The following MARCHF3 variants were observed in gnomAD, a reference collection of about 807,000 sequenced individuals.
MARCHF3 encodes E3 ubiquitin-protein ligase MARCHF3.
In MARCHF3, 13 loss-of-function variants were observed where a neutral mutation model predicts 24.2. That is an observed-to-expected ratio of 0.54 (90% CI 0.35 to 0.85). MARCHF3 has a LOEUF of 0.85. Among genes scored for constraint, MARCHF3 ranks in the 40% least tolerant of loss-of-function variants. The pLI is 0.01. For synonymous variants in MARCHF3, 144 were observed against 137.3 expected (o/e 1.05, Z -0.34); for missense variants, 276 against 325.0 (o/e 0.85, Z 1.16).
At chr5:127,026,752 C>G (rs1178047094) in intron 1 of MARCHF3, among the ~76,000 whole-genome samples, 4 of 152,116 alleles carry the variant, frequency 2.6e-5, no homozygotes, top group Non-Finnish European at 5.9e-5. Flanking sequence ...TCATCTGTAA[C>G]AAAGTGGAAA....
intron 4 of MARCHF3, among the ~76,000 whole-genome samples, chr5:126,877,814 A>G (rs1207207676): frequency 2.6e-5 from 4 of 152,240 alleles, no homozygotes; most frequent in Admixed American, 6.5e-5. Flanking sequence ...TGCATCATTC[A>G]TAATATACTA....
At chr5:126,903,648 A>T (rs1245684216) in intron 3 of MARCHF3, among the ~76,000 whole-genome samples, 3 of 151,072 alleles carry the variant, frequency 2.0e-5, no homozygotes, top group Admixed American at 6.6e-5. Context: ...TATATATATA[A>T]AATCTCTATA....
chr5:126,954,778 T>A (rs1750384166), intron 1 of MARCHF3, among the ~76,000 whole-genome samples: 2 of 151,998 alleles, frequency 1.3e-5, no homozygotes, highest in African/African-American at 2.4e-5. Context: ...GTACTTCAGA[T>A]GAATTTTCTT....
intron 3 of MARCHF3, among the ~76,000 whole-genome samples, chr5:126,884,399 T>C (rs7701976): frequency 0.13 from 19,285 of 152,122 alleles, 3,051 homozygotes; most frequent in African/African-American, 0.37. Flanking sequence ...TGTAACAAAG[T>C]ATCTCAAAGG....
At chr5:127,002,408 C>G (rs1335093202) in intron 1 of MARCHF3, among the ~76,000 whole-genome samples, 3 of 152,126 alleles carry the variant, frequency 2.0e-5, no homozygotes, top group Non-Finnish European at 4.4e-5. Context: ...CAGCCTGTCA[C>G]TATTCTTGGT....
At chr5:127,011,804 T>C (rs562085497) in intron 1 of MARCHF3, among the ~76,000 whole-genome samples, 2 of 152,336 alleles carry the variant, frequency 1.3e-5, no homozygotes, top group Non-Finnish European at 2.9e-5. Context: ...TAGTTGATTA[T>C]TGCTTCCCAT....
chr5:126,999,318 A>G (rs1055465261), intron 1 of MARCHF3, among the ~76,000 whole-genome samples: 1 of 152,214 alleles, frequency 6.6e-6, no homozygotes, highest in South Asian at 2.1e-4. Context: ...AATTATGCCC[A>G]GACCAGCTTT....
chr5:126,880,932 G>A (rs1301527163), intron 3 of MARCHF3, among the ~76,000 whole-genome samples: 1 of 152,016 alleles, frequency 6.6e-6, no homozygotes, highest in African/African-American at 2.4e-5. Context: ...TGGGAATTCT[G>A]GATGCATTTT....
chr5:127,020,660 G>A (rs1752770419), intron 1 of MARCHF3, among the ~76,000 whole-genome samples: 1 of 152,076 alleles, frequency 6.6e-6, no homozygotes, highest in South Asian at 2.1e-4. Context: ...TGATCAGACT[G>A]AGCAACATGG....
At chr5:126,886,378 G>C (rs987334895) in intron 3 of MARCHF3, among the ~76,000 whole-genome samples, 2 of 152,152 alleles carry the variant, frequency 1.3e-5, no homozygotes, top group African/African-American at 4.8e-5. Flanking sequence ...ACCTTGCTGG[G>C]GATAAGATAT....
At chr5:126,989,283 A>T (rs181496289) in intron 1 of MARCHF3, among the ~76,000 whole-genome samples, 95 of 150,190 alleles carry the variant, frequency 6.3e-4, no homozygotes, top group Non-Finnish European at 1.1e-3. Flanking sequence ...TGTCTCTAGA[A>T]TACTACTACT....
At chr5:127,021,140 T>C (rs953564295) in intron 1 of MARCHF3, among the ~76,000 whole-genome samples, 1 of 151,718 alleles carries the variant, frequency 6.6e-6, no homozygotes, top group Admixed American at 6.6e-5. Context: ...TTTTCAGCCA[T>C]GTAGAGTTTT....
chr5:126,882,924 A>C (rs985544246), intron 3 of MARCHF3, among the ~76,000 whole-genome samples: 4 of 152,242 alleles, frequency 2.6e-5, no homozygotes, highest in African/African-American at 9.6e-5. Flanking sequence ...TTGTGGCTTT[A>C]GTTCATGAAG....
intron 3 of MARCHF3, among the ~76,000 whole-genome samples, chr5:126,906,627 C>T (rs1008562668): frequency 1.3e-4 from 20 of 152,046 alleles, no homozygotes; most frequent in African/African-American, 4.8e-4. Context: ...AGTATTCTCT[C>T]ATGGTAGTTT....
intron 1 of MARCHF3, among the ~76,000 whole-genome samples, chr5:126,966,905 C>CTTTTTTTTTTTTTTTTTT: frequency 2.2e-4 from 1 of 4,496 alleles, no homozygotes; most frequent in Non-Finnish European, 4.3e-4. Context: ...CTGTGAGAGC[C>CTTTTTTTTTTTTTTTTTT]TTTTTTTTTT....
rs180795274 is a variant in MARCHF3 at position 126,871,686 on chromosome 5, A to T, written c.604-895T>A. Among the ~76,000 whole-genome samples, 10 of 151,014 alleles carry T rather than the reference A, an allele frequency of 6.6e-5. No individual in the cohort carries two copies. The East Asian group carries it at 1.9e-3, about 29-fold the overall frequency. ...GCATCCTATATTTTCTGATTGCAAC[A>T]CTGCTTCAAACTTAAGCCTCTCTCT... On this transcript the variant is annotated intron_variant, in intron 4 of 4. Transcript: ENST00000308660.
At chr5:126,877,727 T>C (rs1002306942) in intron 4 of MARCHF3, among the ~76,000 whole-genome samples, 3 of 152,184 alleles carry the variant, frequency 2.0e-5, no homozygotes, top group South Asian at 2.1e-4. Flanking sequence ...CTTTAGGCTG[T>C]GTCAGGACGT....
At chr5:126,920,523 C>T (rs1483519087) in intron 1 of MARCHF3, among the ~76,000 whole-genome samples, 1 of 152,178 alleles carries the variant, frequency 6.6e-6, no homozygotes, top group Non-Finnish European at 1.5e-5. Flanking sequence ...ATCATTATGT[C>T]TAGATGCACT....
At chr5:126,936,454 T>C (rs748933553) in intron 1 of MARCHF3, among the ~76,000 whole-genome samples, 8 of 152,120 alleles carry the variant, frequency 5.3e-5, no homozygotes, top group Non-Finnish European at 1.2e-4. Context: ...ATAACATGTT[T>C]AATAGCACTG....
Sources: gnomAD v4.1 joint callset for allele counts (sites outside exome capture counted in the v4.1 genomes callset) on GRCh38, gnomAD v4.1.1 for gene constraint, MANE v1.5 for transcripts, NCBI Gene and HGNC (gene_info 2026-07-23, HGNC 2026-07-21) for gene names.